SELENOT: variants seen among roughly 807,000 people sequenced by gnomAD.
SELENOT encodes the protein thioredoxin reductase-like selenoprotein T.
SELENOT carries 9 observed loss-of-function variants against 24.3 expected under a neutral mutation model. That is an observed-to-expected ratio of 0.37 (90% confidence interval 0.22 to 0.65). The LOEUF is 0.65. Ranked by LOEUF, SELENOT falls within the 30% of genes least tolerant of loss-of-function variation. The probability of loss-of-function intolerance (pLI) is 0.60; values close to 1 mark genes in which losing one functional copy is unlikely to be tolerated. For missense variants in SELENOT, 166 were observed against 247.6 expected (o/e 0.67, Z 2.21); for synonymous variants, 81 against 86.0 (o/e 0.94, Z 0.32).
At chr3:150,604,823 G>A (rs947621766) in intron 1 of SELENOT, among the ~76,000 whole-genome samples, 1 of 152,260 alleles carries the variant, frequency 6.6e-6, no homozygotes, top group Middle Eastern at 3.4e-3. Flanking sequence ...ATCACCTGAG[G>A]TCGGGAGTTC....
intron 1 of SELENOT, among the ~76,000 whole-genome samples, chr3:150,616,871 G>C (rs1363779854): frequency 6.6e-6 from 1 of 152,196 alleles, no homozygotes; most frequent in Non-Finnish European, 1.5e-5. Flanking sequence ...AAACTCCTGA[G>C]CTCAAGCAAT....
chr3:150,605,642 T>TA (rs1725946931), intron 1 of SELENOT, among the ~76,000 whole-genome samples: 2 of 152,148 alleles, frequency 1.3e-5, no homozygotes, highest in South Asian at 4.1e-4. Flanking sequence ...GAGATCATTT[T>TA]TTGTTTAATC....
At chr3:150,617,925 T>A (rs1221176774) in intron 1 of SELENOT, among the ~76,000 whole-genome samples, 1 of 152,122 alleles carries the variant, frequency 6.6e-6, no homozygotes, top group East Asian at 1.9e-4. Flanking sequence ...GGTGCGGTAT[T>A]GGCTCACTGC....
At chr3:150,606,890 G>A (rs760611558) in intron 1 of SELENOT, among the ~76,000 whole-genome samples, 1 of 152,124 alleles carries the variant, frequency 6.6e-6, no homozygotes. Context: ...CACTGCCCCC[G>A]GCTGAAATTC....
rs953710037 is a variant in SELENOT, at chr3:150,603,562, C to A, written c.137+63C>A. The stretch of plus-strand genomic sequence containing the variant: ...CCTCTGCTCGGCGCCATTGGCTACG[C>A]GAGGCCCCGGCTTCGCGGCCTAAAT... On this transcript the variant is annotated intron_variant, in intron 1 of 5. Coordinates refer to ENST00000471696, the MANE Select transcript of SELENOT (RefSeq NM_016275.5). 13 of 1,488,060 alleles carry A rather than the reference C, an allele frequency of 8.7e-6. No individual in the cohort carries two copies. The African/African-American group carries it at 1.6e-4, about 18-fold the overall frequency. The allele number at this position is 1,488,060 out of a possible 1,614,324, so 92.2% of individuals were successfully genotyped here. A position where few individuals can be genotyped will look rare whatever the true frequency, so the allele number is the denominator to read the frequency against.
At chr3:150,624,595 G>A (rs185596558) in intron 3 of SELENOT, among the ~76,000 whole-genome samples, 1 of 152,202 alleles carries the variant, frequency 6.6e-6, no homozygotes, top group East Asian at 1.9e-4. Flanking sequence ...AGGCTATTAT[G>A]AAATCTCTCA....
intron 1 of SELENOT, chr3:150,611,435 T>C: frequency 7.9e-7 from 1 of 1,266,326 alleles, no homozygotes; most frequent in Non-Finnish European, 1.2e-6. Context: ...TTTAAGTGTC[T>C]TTTGTATCTC....
chr3:150,626,533 C>A (rs969045898), intron 4 of SELENOT, among the ~76,000 whole-genome samples: 2 of 152,132 alleles, frequency 1.3e-5, no homozygotes, highest in African/African-American at 2.4e-5. Flanking sequence ...TCCTTTCCAC[C>A]TTCCCATCCT....
Position 150,629,427 on chromosome 3 carries a change from C to T in SELENOT, c.*1798C>T. The stretch of plus-strand genomic sequence containing the variant: ...CCTTGTTATCTGATTGTGTACCACT[C>T]CAAATTCCCTGCCTTCTGCAAGTTG... On this transcript the variant is annotated 3_prime_UTR_variant, in exon 6 of 6. Transcript: ENST00000471696. 6.6e-6 allele frequency: 1 copy of T among 152,612 alleles called. No individual in the cohort carries two copies. The highest frequency in any genetic ancestry group is 1.5e-5 in the Non-Finnish European group (1 of 68,034). 9.5% of individuals were successfully genotyped at this position (152,612 alleles called of 1,614,324 possible).
intron 1 of SELENOT, chr3:150,611,145 CAAAG>C (rs1440223993): frequency 2.6e-5 from 16 of 617,444 alleles, no homozygotes; most frequent in South Asian, 1.5e-4. Flanking sequence ...GAGTCAGAAA[CAAAG>C]AAAATAAAAT....
At chr3:150,604,113 C>G (rs1725905578) in intron 1 of SELENOT, among the ~76,000 whole-genome samples, 1 of 152,144 alleles carries the variant, frequency 6.6e-6, no homozygotes, top group Non-Finnish European at 1.5e-5. Context: ...TTGCCATTTC[C>G]AAAGTGTCAG....
intron 1 of SELENOT, among the ~76,000 whole-genome samples, chr3:150,617,810 CTTCA>C (rs769616981): frequency 1.1e-4 from 16 of 148,524 alleles, no homozygotes; most frequent in Non-Finnish European, 2.2e-4. Context: ...CGCTTTTTAT[CTTCA>C]TTCAAAGTGT....
At chr3:150,606,212 A>G (rs1725959300) in intron 1 of SELENOT, among the ~76,000 whole-genome samples, 1 of 141,810 alleles carries the variant, frequency 7.1e-6, no homozygotes, top group South Asian at 2.2e-4. Flanking sequence ...GTGCAATGGC[A>G]TGATCACGGA....
intron 1 of SELENOT, among the ~76,000 whole-genome samples, chr3:150,604,501 A>G (rs755649743): frequency 1.4e-4 from 21 of 152,246 alleles, no homozygotes; most frequent in Non-Finnish European, 2.9e-4. Flanking sequence ...GTCCGGATAC[A>G]TTGGAATGTT....
intron 1 of SELENOT, among the ~76,000 whole-genome samples, chr3:150,610,419 CA>C (rs1204693807): frequency 2.0e-5 from 3 of 152,220 alleles, no homozygotes; most frequent in African/African-American, 7.2e-5. Flanking sequence ...TCTTAGTAAC[CA>C]AAAACAGTCT....
In SELENOT at chr3:150,623,137, C is replaced by G; in HGVS notation, c.343C>G (p.Pro115Ala). Reference sequence around the variant, plus strand: ...TTTTGCTTTCTTTGGCATGCAAGCTCCTAGCATCTGGCAGTGGGGCCAAGA... The same window carrying G: ...TTTTGCTTTCTTTGGCATGCAAGCTGCTAGCATCTGGCAGTGGGGCCAAGA... Reference protein sequence around the residue: ...DPFAFFGMQAPSIWQWGQENK... With the variant: ...DPFAFFGMQAASIWQWGQENK... The change falls in exon 3 of 6, where the codon CCT (proline) becomes GCT (alanine). Residue 115 changes from proline (P) to alanine (A), a missense_variant. Coordinates refer to ENST00000471696, the MANE Select transcript of SELENOT (RefSeq NM_016275.5). 2.5e-6 allele frequency: 4 copies of G among 1,605,190 alleles called. No homozygotes were observed. Among genetic ancestry groups the G allele is most frequent in the Non-Finnish European group, 3.4e-6 (4 of 1,175,870 alleles).
At chr3:150,616,804 C>G (rs1438012708) in intron 1 of SELENOT, among the ~76,000 whole-genome samples, 1 of 152,234 alleles carries the variant, frequency 6.6e-6, no homozygotes, top group Non-Finnish European at 1.5e-5. Context: ...CCATGCCCAG[C>G]TAATTTTTGT....
At chr3:150,613,972 A>G (rs913171684) in intron 1 of SELENOT, among the ~76,000 whole-genome samples, 2 of 150,680 alleles carry the variant, frequency 1.3e-5, no homozygotes, top group Non-Finnish European at 3.0e-5. Context: ...CATGCAGGAG[A>G]AAGCACATTC....
rs756813114 is a variant in SELENOT, at chr3:150,627,128, A to T, written c.582A>T (p.Arg194=). The change falls in exon 5 of 6, where the codon CGA becomes CGT. Residue 194 remains arginine, a synonymous_variant. Transcript: ENST00000471696. Reference sequence around the variant, plus strand: ...ATATGGATTCAATCCCACACCATCGATCATAGCACCACCTATCAGCACTGA... The same window carrying T: ...ATATGGATTCAATCCCACACCATCGTTCATAGCACCACCTATCAGCACTGA... The part of the protein sequence containing the change: ...NVHMDSIPHH[R]S The T allele has an allele frequency of 6.2e-7, 1 of 1,613,086 alleles. No homozygotes were observed. Among genetic ancestry groups the T allele is most frequent in the Non-Finnish European group, 8.5e-7 (1 of 1,179,440 alleles).
Sources: allele counts gnomAD v4.1 joint callset (sites outside exome capture counted in the v4.1 genomes callset), GRCh38; gene constraint gnomAD v4.1.1; transcripts MANE v1.5; gene names NCBI Gene and HGNC (gene_info 2026-07-23, HGNC 2026-07-21).